The following DNASE1 variants were observed in gnomAD, a reference collection of about 807,000 sequenced individuals.
DNASE1 encodes the protein deoxyribonuclease 1.
DNASE1 carries 40 observed loss-of-function variants against 33.9 expected under a neutral mutation model. The observed-to-expected ratio is 1.18, with a 90% CI of 0.92 to 1.54. The LOEUF is 1.54. DNASE1 is among the 40% of genes most tolerant of loss of function. The pLI is 0.00. For missense variants in DNASE1, 518 were observed against 372.6 expected, an observed-to-expected ratio of 1.39 and a Z score of -3.21; for synonymous variants, 216 against 160.0, an observed-to-expected ratio of 1.35 and a Z score of -2.64.
upstream of DNASE1, among the ~76,000 whole-genome samples, chr16:3,638,301 T>C (rs2041932477): frequency 6.6e-6 from 1 of 152,194 alleles, no homozygotes; most frequent in South Asian, 2.1e-4. Flanking sequence ...TTGATTATGA[T>C]GTGTCTTGGT....
chr16:3,623,637 TAGTA>T (rs1459307411), intron 1 of DNASE1, among the ~76,000 whole-genome samples: 1 of 151,964 alleles, frequency 6.6e-6, no homozygotes, highest in East Asian at 1.9e-4. Flanking sequence ...AAAAACCCAT[TAGTA>T]AGTGAGCAAA....
chr16:3,638,104 A>AGTGTGTGT (rs58884007), upstream of DNASE1, among the ~76,000 whole-genome samples: 1,145 of 143,540 alleles, frequency 8.0e-3, 3 homozygotes, highest in East Asian at 0.011. Context: ...AGTTTTTGTG[A>AGTGTGTGT]GTGTGTGTGT....
Position 3,656,087 on chromosome 16 carries a change from GT to G in DNASE1, c.237-12del. On this transcript the variant is annotated splice_polypyrimidine_tract_variant and intron_variant, in intron 3 of 8. Transcript: ENST00000246949. ...ATGGCCCCCGCCACTGGGACCTTTT[GT>G]TTCTTCAATCCAGGGATGCACCAGA... is the stretch of plus-strand genomic sequence containing the variant. The G allele has an allele frequency of 6.2e-7, 1 of 1,614,038 alleles. No homozygotes were observed. Among genetic ancestry groups the G allele is most frequent in the Non-Finnish European group, 8.5e-7 (1 of 1,179,974 alleles).
At chr16:3,661,813 C>G (rs944022858), downstream of DNASE1, 4 of 779,586 alleles carry the variant, frequency 5.1e-6, no homozygotes, top group Non-Finnish European at 7.3e-6. Context: ...AAGGGGCTGG[C>G]CAGGTTCCAT....
Position 3,657,342 on chromosome 16 carries a change from G to T in DNASE1, c.704+1G>T. On this transcript the variant is annotated splice_donor_variant, in intron 7 of 8. Coordinates refer to ENST00000246949, the MANE Select transcript of DNASE1 (RefSeq NM_005223.4). LOFTEE classifies it high-confidence loss of function. ...CACCCACGCACTGTGCCTATGACAG[G>T]TGAGCAGGGCCTCGCGCTTAGGGCA... 6.2e-7 allele frequency: 1 copy of T among 1,612,810 alleles called. No individual in the cohort carries two copies.
At chr16:3,663,194 A>G in exon 10 of DNASE1, 1 of 671,642 alleles carries the variant, frequency 1.5e-6, no homozygotes, top group Non-Finnish European at 2.5e-6. Flanking sequence ...CCTCTCAAGA[A>G]GCTGGGCCAG....
chr16:3,622,355 C>T (rs2041352095), intron 1 of DNASE1, among the ~76,000 whole-genome samples: 1 of 151,850 alleles, frequency 6.6e-6, no homozygotes, highest in South Asian at 2.1e-4. Flanking sequence ...AAATTGGTGT[C>T]TTGTAGCTTT....
chr16:3,628,239 G>T (rs1186703004), intron 1 of DNASE1, among the ~76,000 whole-genome samples: 1 of 152,006 alleles, frequency 6.6e-6, no homozygotes, highest in Non-Finnish European at 1.5e-5. Flanking sequence ...TTTTCAAATT[G>T]TTCAGTGTTA....
chr16:3,653,125 A>T (rs552478639), upstream of DNASE1: 6 of 152,094 alleles, frequency 3.9e-5, no homozygotes, highest in Non-Finnish European at 7.3e-5. Context: ...CTCTGGGAGG[A>T]CCCCAAATGC....
intron 1 of DNASE1, among the ~76,000 whole-genome samples, chr16:3,619,401 G>T (rs973225438): frequency 6.7e-6 from 1 of 148,434 alleles, no homozygotes; most frequent in African/African-American, 2.5e-5. Context: ...TCGCTCTGTC[G>T]CCCAGGCCGA....
At chr16:3,653,831 A>AAAAAAAAAAACAAAAC (rs2042430620), upstream of DNASE1, 1 of 147,182 alleles carries the variant, frequency 6.8e-6, no homozygotes, top group African/African-American at 2.6e-5. Context: ...AAAAAAAAAA[A>AAAAAAAAAAACAAAAC]AAAAAAAAAA....
At chr16:3,653,780 C>A (rs1360100885), upstream of DNASE1, 5 of 120,736 alleles carry the variant, frequency 4.1e-5, no homozygotes, top group Non-Finnish European at 6.4e-5. Flanking sequence ...GCACTCCAGG[C>A]TGGGCAGCAG....
At chr16:3,635,822 T>C (rs1301648069) in intron 1 of DNASE1, among the ~76,000 whole-genome samples, 15 of 152,166 alleles carry the variant, frequency 9.9e-5, no homozygotes. Context: ...GGAAAGGAAT[T>C]TATTTCCCTG....
intron 1 of DNASE1, among the ~76,000 whole-genome samples, chr16:3,620,936 G>C (rs2151161366): frequency 1.3e-5 from 2 of 152,154 alleles, no homozygotes; most frequent in Middle Eastern, 6.8e-3. Context: ...GAGTAGCTGG[G>C]ATTACAGGCG....
intron 1 of DNASE1, among the ~76,000 whole-genome samples, chr16:3,627,406 G>A (rs920637746): frequency 1.2e-4 from 18 of 151,792 alleles, no homozygotes; most frequent in South Asian, 1.0e-3. Context: ...CCCGAGTATG[G>A]GACTATGGGT....
At position 3,657,796 on chromosome 16, in the gene DNASE1, T is replaced by C; in HGVS notation, c.781T>C (p.Tyr261His). The change falls in exon 8 of 9, where the codon TAT becomes CAT. Residue 261 changes from tyrosine to histidine, a missense_variant. Transcript: ENST00000246949. ...SALPFNFQAA[Y>H]GLSDQLAQAI... The stretch of plus-strand genomic sequence containing the variant: ...TCTTCCCTTTAACTTCCAGGCTGCC[T>C]ATGGCCTGAGTGACCAACTGGTATG... 6.2e-7 allele frequency: 1 copy of C among 1,613,852 alleles called. No individual in the cohort carries two copies.
At chr16:3,633,843 C>T (rs1355892228) in intron 1 of DNASE1, among the ~76,000 whole-genome samples, 1 of 152,088 alleles carries the variant, frequency 6.6e-6, no homozygotes, top group African/African-American at 2.4e-5. Context: ...GAGTCTCGCT[C>T]TGTCGCCCAG....
rs1018053181 is a variant in DNASE1, at chr16:3,663,287, C to G, written c.*5334C>G. 38 of 1,166,160 alleles carry G rather than the reference C, an allele frequency of 3.3e-5. No individual in the cohort carries two copies. The Admixed American group carries it at 9.7e-4, about 30-fold the overall frequency. The allele number at this position is 1,166,160 out of a possible 1,614,324, so 72.2% of individuals were successfully genotyped here. ...GCACCTTCCTCCAGTCACCAGGGTG[C>G]TCCCACAAGGCTCTTCTCGGGGGTG... On this transcript the variant is annotated 3_prime_UTR_variant, in exon 10 of 10. Coordinates refer to the DNASE1 transcript ENST00000407479.
chr16:3,629,339 T>G (rs2041626583), intron 1 of DNASE1, among the ~76,000 whole-genome samples: 4 of 152,138 alleles, frequency 2.6e-5, no homozygotes, highest in Admixed American at 2.0e-4. Context: ...CTGCAGCAAT[T>G]GAGATGATGT....
Sources: gnomAD v4.1 joint callset for allele counts (sites outside exome capture counted in the v4.1 genomes callset) on GRCh38, gnomAD v4.1.1 for gene constraint, MANE v1.5 for transcripts, NCBI Gene and HGNC (gene_info 2026-07-23, HGNC 2026-07-21) for gene names.